The following TRAP1 variants were observed in gnomAD, a reference collection of about 807,000 sequenced individuals.
TRAP1 encodes heat shock protein 75 kDa, mitochondrial.
A neutral mutation model predicts 89.1 loss-of-function variants in TRAP1; 102 were observed. The ratio of observed to expected loss-of-function variants is 1.15; its 90% confidence interval spans 0.98 to 1.35. The LOEUF (loss-of-function observed/expected upper bound fraction) is 1.35. Ranked by LOEUF, TRAP1 falls within the 40% of genes most tolerant of loss-of-function variation. The pLI is 0.00. For missense variants in TRAP1, 1,256 were observed against 945.3 expected (o/e 1.33, Z -4.31); for synonymous variants, 508 against 388.0 (o/e 1.31, Z -3.64).
Position 3,689,045 on chromosome 16 carries a change from G to C in TRAP1, c.330+10C>G, listed in dbSNP as rs1191696945. The C allele has an allele frequency of 6.2e-7, 1 of 1,607,584 alleles. No homozygotes were observed. The highest frequency in any genetic ancestry group is 1.7e-5 in the Admixed American group (1 of 59,100). On this transcript the variant is annotated intron_variant, in intron 3 of 17. Transcript: ENST00000246957. ...TTGCTAGCATCGGGCATGGTTAGCA[G>C]GGAACGCACCTCTTTTTCTGAGTAC... is the stretch of plus-strand genomic sequence containing the variant.
intron 1 of TRAP1, among the ~76,000 whole-genome samples, chr16:3,700,263 G>T (rs971453143): frequency 4.7e-5 from 7 of 149,580 alleles, no homozygotes; most frequent in Admixed American, 1.3e-4. Flanking sequence ...CTCCTCCCGG[G>T]TTCAAGCGAT....
chr16:3,706,456 C>CTTTT (rs34658116), intron 1 of TRAP1, among the ~76,000 whole-genome samples: 5 of 98,962 alleles, frequency 5.1e-5, no homozygotes, highest in African/African-American at 1.2e-4. Flanking sequence ...TATTTGCACT[C>CTTTT]TTTTTTTTTT....
chr16:3,676,272 C>A, intron 6 of TRAP1, 127 bp from the exon 7 acceptor site: 1 of 657,168 alleles, frequency 1.5e-6, no homozygotes. Context: ...CCTCAAATGC[C>A]CCATTTCTGA....
intron 1 of TRAP1, among the ~76,000 whole-genome samples, chr16:3,703,882 G>T (rs1182885039): frequency 6.6e-6 from 1 of 151,686 alleles, no homozygotes; most frequent in Admixed American, 6.6e-5. Flanking sequence ...GGGCGTGGTG[G>T]CGGGTGCCTG....
At chr16:3,671,871 T>C in intron 10 of TRAP1, 80 bp from the exon 11 acceptor site, 1 of 1,465,596 alleles carries the variant, frequency 6.8e-7, no homozygotes, top group Non-Finnish European at 9.4e-7. Flanking sequence ...CTGCCCTTTG[T>C]CTTCAGGCCT....
intron 11 of TRAP1, among the ~76,000 whole-genome samples, chr16:3,668,921 C>T (rs946072437): frequency 6.6e-6 from 1 of 152,234 alleles, no homozygotes; most frequent in East Asian, 1.9e-4. Flanking sequence ...GCAGCCGCCT[C>T]GGCCCGCAGG....
intron 11 of TRAP1, among the ~76,000 whole-genome samples, chr16:3,669,832 C>CAAAAAAAAAA (rs59256364): frequency 1.5e-5 from 1 of 66,168 alleles, no homozygotes; most frequent in Non-Finnish European, 3.5e-5. Context: ...GACTCCGTCT[C>CAAAAAAAAAA]AAAAAAAAAA....
rs189194922 is a variant in TRAP1 at position 3,690,196 on chromosome 16, G to A, written c.247+631C>T. On this transcript the variant is annotated intron_variant, in intron 2 of 17. Coordinates refer to ENST00000246957, the MANE Select transcript of TRAP1 (RefSeq NM_016292.3). ...TAACTTTTTAATTTTTTTCTGTAGA[G>A]AAAGGGTCTATCTTGCCCAGGTTGG... 2.8e-3 allele frequency among the ~76,000 whole-genome samples: 422 copies of A among 152,160 alleles called. 2 individuals are homozygous for A. Among genetic ancestry groups the A allele is most frequent in the African/African-American group, 9.8e-3 (406 of 41,536 alleles).
intron 2 of TRAP1, among the ~76,000 whole-genome samples, chr16:3,690,302 G>A (rs2051195957): frequency 6.6e-6 from 1 of 152,094 alleles, no homozygotes; most frequent in African/African-American, 2.4e-5. Flanking sequence ...CACTGTGCCT[G>A]GACTATATTC....
intron 1 of TRAP1, among the ~76,000 whole-genome samples, chr16:3,701,188 A>T (rs1281843010): frequency 1.3e-5 from 2 of 152,228 alleles, no homozygotes; most frequent in African/African-American, 2.4e-5. Flanking sequence ...AAAATAAAAA[A>T]TATTATTAGG....
rs376594166 is a variant in TRAP1 at position 3,674,407 on chromosome 16, G to A, written c.976C>T (p.Arg326Cys). 5.8e-5 allele frequency: 93 copies of A among 1,614,120 alleles called. 1 individual carries two copies. Among genetic ancestry groups the A allele is most frequent in the South Asian group, 5.3e-4 (48 of 91,084 alleles). ...RYVAQAHDKP[R>C]YTLHYKTDAP... ...TCCGTCTTATAGTGCAGGGTGTAGC[G>A]GGGCTTGTCGTGAGCCTGCGCGACG... The change falls in exon 9 of 18, where the codon CGC becomes TGC. Residue 326 changes from arginine (R) to cysteine (C), a missense_variant. Physicochemically the swap from Arg to Cys is radical, Grantham distance 180. Transcript: ENST00000246957.
chr16:3,670,615 G>A (rs990316175), intron 11 of TRAP1, among the ~76,000 whole-genome samples: 2 of 152,096 alleles, frequency 1.3e-5, no homozygotes, highest in Admixed American at 6.5e-5. Flanking sequence ...GAGGTGGAAG[G>A]ATTGCTTGAG....
intron 15 of TRAP1, chr16:3,662,483 A>T: frequency 1.9e-6 from 1 of 520,752 alleles, no homozygotes; most frequent in Non-Finnish European, 3.5e-6. Flanking sequence ...TGAGCTAGAC[A>T]GGTTGGTGGG....
At chr16:3,671,579 T>C (rs1478690602) in intron 11 of TRAP1, 143 bp downstream of exon 11, 2 of 801,008 alleles carry the variant, frequency 2.5e-6, no homozygotes, top group Non-Finnish European at 4.0e-6. Flanking sequence ...GGAAGGCTCC[T>C]GAGGGCCCCC....
At chr16:3,700,469 T>C (rs911148165) in intron 1 of TRAP1, among the ~76,000 whole-genome samples, 3 of 149,146 alleles carry the variant, frequency 2.0e-5, no homozygotes, top group African/African-American at 7.4e-5. Context: ...GCCCAGACTT[T>C]TTTGTTTGTT....
At chr16:3,697,785 C>T (rs2051309530) in intron 1 of TRAP1, among the ~76,000 whole-genome samples, 2 of 150,638 alleles carry the variant, frequency 1.3e-5, no homozygotes, top group Admixed American at 1.3e-4. Context: ...AATTAATATG[C>T]AGAATTTTTT....
chr16:3,670,732 T>C (rs1391551364), intron 11 of TRAP1, among the ~76,000 whole-genome samples: 3 of 152,078 alleles, frequency 2.0e-5, no homozygotes, highest in African/African-American at 7.2e-5. Flanking sequence ...TGCGGCTTGC[T>C]TGGTTGAAAA....
chr16:3,681,011 G>A (rs1003294839), intron 4 of TRAP1, among the ~76,000 whole-genome samples: 2 of 152,104 alleles, frequency 1.3e-5, no homozygotes, highest in African/African-American at 2.4e-5. Context: ...CCAACGCGCT[G>A]GTGAACACAC....
chr16:3,709,154 AGC>A (rs1264886497), intron 1 of TRAP1, among the ~76,000 whole-genome samples: 1 of 145,708 alleles, frequency 6.9e-6, no homozygotes, highest in Non-Finnish European at 1.5e-5. Context: ...TAAAAGGGCT[AGC>A]GCAGAGGTTA....
Sources: gnomAD v4.1 joint callset for allele counts (sites outside exome capture counted in the v4.1 genomes callset) on GRCh38, gnomAD v4.1.1 for gene constraint, MANE v1.5 for transcripts, NCBI Gene and HGNC (gene_info 2026-07-23, HGNC 2026-07-21) for gene names.